KIF26B: variants seen among roughly 807,000 people sequenced by gnomAD.
KIF26B encodes kinesin family member 26B.
KIF26B carries 63 observed loss-of-function variants against 151.2 expected under a neutral mutation model. The observed-to-expected ratio is 0.42, with a 90% confidence interval of 0.34 to 0.51. The LOEUF is 0.51. KIF26B is among the 20% of genes least tolerant of loss of function. The pLI is 0.07. For missense variants in KIF26B, 2,813 were observed against 2,913.6 expected, an observed-to-expected ratio of 0.97 and a Z score of 0.79; for synonymous variants, 1,357 against 1,262.1, an observed-to-expected ratio of 1.08 and a Z score of -1.59.
intron 10 of KIF26B, among the ~76,000 whole-genome samples, chr1:245,652,088 G>A (rs1193915707): frequency 6.8e-6 from 1 of 146,326 alleles, no homozygotes; most frequent in Non-Finnish European, 1.5e-5. Flanking sequence ...AAACGGAGAG[G>A]TTCATGTAAG....
At chr1:245,668,942 C>G (rs1446439465) in intron 10 of KIF26B, among the ~76,000 whole-genome samples, 1 of 152,084 alleles carries the variant, frequency 6.6e-6, no homozygotes, top group East Asian at 1.9e-4. Flanking sequence ...CCGCCTGCCT[C>G]AGATCACCCA....
chr1:245,300,372 A>G (rs74153520), intron 2 of KIF26B, among the ~76,000 whole-genome samples: 7,276 of 152,218 alleles, frequency 0.048, 301 homozygotes, highest in African/African-American at 0.11. Flanking sequence ...TGGACCCAGT[A>G]GAATTCTTGG....
intron 2 of KIF26B, among the ~76,000 whole-genome samples, chr1:245,345,931 C>CTTTTT (rs371687031): frequency 2.9e-5 from 4 of 139,356 alleles, no homozygotes; most frequent in African/African-American, 1.2e-4. Context: ...TTCTTTCTTT[C>CTTTTT]TTTCTTTTTT....
At chr1:245,471,322 C>T (rs1240643651) in intron 4 of KIF26B, among the ~76,000 whole-genome samples, 6 of 151,850 alleles carry the variant, frequency 4.0e-5, no homozygotes, top group Non-Finnish European at 7.4e-5. Flanking sequence ...ATAGTAGAGA[C>T]GGGGTTTCAT....
chr1:245,655,313 A>C (rs999170976), intron 10 of KIF26B, among the ~76,000 whole-genome samples: 1 of 152,258 alleles, frequency 6.6e-6, no homozygotes, highest in Non-Finnish European at 1.5e-5. Context: ...CTTCAAAGGC[A>C]GAAAGGTCAC....
chr1:245,156,692 C>A lies in KIF26B; in HGVS notation c.465+9C>A. On this transcript the variant is annotated intron_variant, in intron 2 of 14. Transcript: ENST00000407071. ...GGCCCTTCCCGGGCAAGGTGAGCGC[C>A]GCGCGGGGCTGGCTGGGGAGGCGCC... 1 of 1,470,304 alleles carries A rather than the reference C, an allele frequency of 6.8e-7. No individual in the cohort carries two copies. The highest frequency in any genetic ancestry group is 8.9e-7 in the Non-Finnish European group (1 of 1,117,506). 91.1% of individuals were successfully genotyped at this position (1,470,304 alleles called of 1,614,324 possible).
chr1:245,326,740 G>A (rs1421078747), intron 2 of KIF26B, among the ~76,000 whole-genome samples: 3 of 152,174 alleles, frequency 2.0e-5, no homozygotes, highest in Non-Finnish European at 4.4e-5. Flanking sequence ...CGCAGACTTA[G>A]CAGTCATTCC....
chr1:245,207,457 A>C (rs113843769), intron 2 of KIF26B, among the ~76,000 whole-genome samples: 1,718 of 152,298 alleles, frequency 0.011, 25 homozygotes, highest in African/African-American at 0.039. Context: ...AGGAGGGGTA[A>C]ATTACAGAGT....
rs550670929 is a variant in KIF26B at position 245,419,331 on chromosome 1, A to G, written c.1000-248A>G. 4.8e-4 allele frequency among the ~76,000 whole-genome samples: 73 copies of G among 152,362 alleles called. 2 individuals carry two copies. In the South Asian group the frequency reaches 0.014, roughly 29 times the overall value. Reference sequence around the variant, plus strand: ...CTCCAAATGGAGGGAAGACACAGACATAATTGAAACTTACAATGTCGGGGG... The same window carrying G: ...CTCCAAATGGAGGGAAGACACAGACGTAATTGAAACTTACAATGTCGGGGG... On this transcript the variant is annotated intron_variant, in intron 3 of 14. Transcript: ENST00000407071.
chr1:245,688,201 C>G lies in KIF26B; in HGVS notation c.5218C>G (p.Leu1740Val), dbSNP rs1213708768. ...GATCTCCGCCGTGAGCAGACTCCTCCTGGCCAGCCCCAGAGCGCGCGGCCC... is the reference window on the plus strand; with the variant it reads ...GATCTCCGCCGTGAGCAGACTCCTCGTGGCCAGCCCCAGAGCGCGCGGCCC... ...SKISAVSRLL[L>V]ASPRARGPSA... is the part of the protein sequence containing the mutation. Residue 1740 changes from leucine (L) to valine (V), a missense_variant, in exon 12 of 15, where the codon CTG (leucine) becomes GTG (valine). Coordinates refer to ENST00000407071, the MANE Select transcript of KIF26B (RefSeq NM_018012.4). 5.6e-6 allele frequency: 9 copies of G among 1,594,732 alleles called. No homozygotes were observed. Among genetic ancestry groups the G allele is most frequent in the Non-Finnish European group, 7.7e-6 (9 of 1,176,392 alleles).
chr1:245,656,349 C>T (rs1015083061), intron 10 of KIF26B, among the ~76,000 whole-genome samples: 3 of 152,176 alleles, frequency 2.0e-5, no homozygotes, highest in African/African-American at 7.2e-5. Context: ...TGCCACAGTC[C>T]GTCCTCTAAA....
chr1:245,224,146 G>T (rs1669828759), intron 2 of KIF26B, among the ~76,000 whole-genome samples: 1 of 152,148 alleles, frequency 6.6e-6, no homozygotes, highest in Non-Finnish European at 1.5e-5. Context: ...TTAGCCGGGT[G>T]TGGTGGCGCG....
Position 245,419,624 on chromosome 1 carries a change from G to A in KIF26B, c.1045G>A (p.Ala349Thr). 1 of 1,613,688 alleles carries A rather than the reference G, an allele frequency of 6.2e-7. No homozygotes were observed. The highest frequency in any genetic ancestry group is 1.3e-5 in the African/African-American group (1 of 75,052). ...GAGTAGCCGGGAGGGACTAACAGAA[G>A]CAGTGCTGAACCGCTACAATGCAGA... ...TESSREGLTE[A>T]VLNRYNADKP... The change falls in exon 4 of 15, where the codon GCA becomes ACA. Residue 349 changes from alanine to threonine, a missense_variant. By Grantham distance (58) the Ala-to-Thr change is moderately conservative. Transcript: ENST00000407071.
At position 245,698,269 on chromosome 1, in the gene KIF26B, C is replaced by G; in HGVS notation, c.5988C>G (p.Asp1996Glu). Residue 1996 changes from aspartate (D) to glutamate (E), a missense_variant, in exon 13 of 15, where the codon GAC becomes GAG. Physicochemically the swap from Asp to Glu is conservative, Grantham distance 45 (BLOSUM62 2). This residue lies in a region of KIF26B where 2,060 missense variants were observed against 2,088.6 expected (regional missense o/e 0.99). Transcript: ENST00000407071. This position sits in a 1 kb window ranked among gnomAD's most constrained non-coding sequence, Gnocchi z 4.0. ...PFEIKVYEID[D>E]VERLQRRRGG... ...AGATTAAAGTCTATGAAATCGATGA[C>G]GTGGAGCGCCTGCAGCGGCGACGAG... 1 of 1,613,566 alleles carries G rather than the reference C, an allele frequency of 6.2e-7. No homozygotes were observed. The highest frequency in any genetic ancestry group is 8.5e-7 in the Non-Finnish European group (1 of 1,179,760).
intron 2 of KIF26B, among the ~76,000 whole-genome samples, chr1:245,280,392 A>G (rs375898691): frequency 7.3e-5 from 11 of 150,098 alleles, no homozygotes; most frequent in African/African-American, 1.7e-4. Context: ...TTAGCAGGGC[A>G]TAGTGGCGGG....
At chr1:245,345,935 C>CTTT (rs773751148) in intron 2 of KIF26B, among the ~76,000 whole-genome samples, 7 of 123,708 alleles carry the variant, frequency 5.7e-5, no homozygotes, top group African/African-American at 2.0e-4. Flanking sequence ...TTCTTTCTTT[C>CTTT]TTTTTTTTTT....
intron 2 of KIF26B, among the ~76,000 whole-genome samples, chr1:245,302,071 G>A (rs1334821107): frequency 6.6e-6 from 1 of 152,206 alleles, no homozygotes; most frequent in East Asian, 1.9e-4. Flanking sequence ...TTGATTGTCA[G>A]GAATGAAGAA....
chr1:245,370,640 T>A, intron 3 of KIF26B: 1 of 456,604 alleles, frequency 2.2e-6, no homozygotes, highest in Non-Finnish European at 4.4e-6. Context: ...GCGCCAGCGC[T>A]GATGAGCGAG....
intron 4 of KIF26B, among the ~76,000 whole-genome samples, chr1:245,481,465 T>C (rs1462567856): frequency 6.6e-6 from 1 of 151,894 alleles, no homozygotes; most frequent in Non-Finnish European, 1.5e-5. Context: ...GAAAGGAGCA[T>C]GGTGGTTGGG....
Sources: gnomAD v4.1 joint callset for allele counts (sites outside exome capture counted in the v4.1 genomes callset) on GRCh38, gnomAD v4.1.1 for gene constraint, gnomAD v4.1.1 regional missense constraint, Gnocchi (gnomAD v3.1) non-coding constraint, MANE v1.5 for transcripts, NCBI Gene and HGNC (gene_info 2026-07-23, HGNC 2026-07-21) for gene names.